ZEB1: variants seen among roughly 807,000 people sequenced by gnomAD.
The protein encoded by ZEB1 is zinc finger E-box binding homeobox 1, also known as zinc finger E-box-binding homeobox 1.
A neutral mutation model predicts 84.9 loss-of-function variants in ZEB1; 21 were observed. The observed-to-expected ratio is 0.25, with a 90% CI of 0.18 to 0.36. The LOEUF (loss-of-function observed/expected upper bound fraction) is 0.36, where lower values mean the gene tolerates loss of function less well. Ranked by LOEUF, ZEB1 falls within the 10% of genes least tolerant of loss-of-function variation. ZEB1 has a pLI of 1.00. For synonymous variants in ZEB1, 420 were observed against 471.1 expected (o/e 0.89, Z 1.41); for missense variants, 1,104 against 1,330.2 (o/e 0.83, Z 2.65).
intron 1 of ZEB1, among the ~76,000 whole-genome samples, chr10:31,459,830 AGTGTGTGTGTGTGTGTGTGTGTGT>A (rs3086581): frequency 1.5e-4 from 19 of 129,902 alleles, no homozygotes; most frequent in African/African-American, 4.5e-4. Context: ...TGTTCTCAGG[AGTGTGTGTGTGTGTGTGTGTGTGT>A]GTGTGTGTGT....
At chr10:31,386,426 T>G (rs1271829266) in intron 1 of ZEB1, among the ~76,000 whole-genome samples, 1 of 151,948 alleles carries the variant, frequency 6.6e-6, no homozygotes, top group East Asian at 1.9e-4. Context: ...CATTTGTAGG[T>G]TTTTGTTTAA....
At chr10:31,329,063 A>G (rs768185807) in intron 1 of ZEB1, among the ~76,000 whole-genome samples, 4 of 152,060 alleles carry the variant, frequency 2.6e-5, no homozygotes, top group Non-Finnish European at 4.4e-5. Flanking sequence ...ATATACCACT[A>G]TGCATGTACA....
At chr10:31,334,556 C>A (rs774884730) in intron 1 of ZEB1, among the ~76,000 whole-genome samples, 46 of 151,938 alleles carry the variant, frequency 3.0e-4, no homozygotes, top group Non-Finnish European at 5.9e-5. Flanking sequence ...AAAGCATACT[C>A]CCCGATTGAA....
At chr10:31,449,691 G>T (rs1030237693) in intron 1 of ZEB1, among the ~76,000 whole-genome samples, 10 of 151,928 alleles carry the variant, frequency 6.6e-5, no homozygotes, top group Non-Finnish European at 1.5e-4. Context: ...TTCCATTTCT[G>T]TAGCTTCAAG....
intron 1 of ZEB1, among the ~76,000 whole-genome samples, chr10:31,412,283 T>C (rs1056121624): frequency 3.0e-4 from 45 of 152,326 alleles, no homozygotes; most frequent in African/African-American, 7.9e-4. Context: ...TATTATACTT[T>C]AAGTTCTAGG....
At chr10:31,400,014 A>T (rs1389975200) in intron 1 of ZEB1, among the ~76,000 whole-genome samples, 1 of 152,208 alleles carries the variant, frequency 6.6e-6, no homozygotes, top group Non-Finnish European at 1.5e-5. Context: ...TGTCAATTTA[A>T]TGAAGCTTTC....
At chr10:31,329,105 T>G (rs2036214785) in intron 1 of ZEB1, among the ~76,000 whole-genome samples, 1 of 152,080 alleles carries the variant, frequency 6.6e-6, no homozygotes, top group Admixed American at 6.5e-5. Flanking sequence ...CTTGCATACA[T>G]GTGTAACTGC....
At chr10:31,427,017 AT>A (rs1463299299) in intron 1 of ZEB1, among the ~76,000 whole-genome samples, 1 of 152,118 alleles carries the variant, frequency 6.6e-6, no homozygotes, top group Non-Finnish European at 1.5e-5. Context: ...GAATAGGAAA[AT>A]ACCATTTGCA....
rs1441470609 is a variant in ZEB1 at position 31,387,396 on chromosome 10, G to A, written c.58+68104G>A. ...GAAGGGAGGCCCTACCTGTGGGTAG[G>A]ACATCACACATTCATCAAGAGGTGC... is the stretch of plus-strand genomic sequence containing the variant. On this transcript the variant is annotated intron_variant, in intron 1 of 8. Transcript: ENST00000424869. 5.8e-6 allele frequency: 4 copies of A among 686,992 alleles called. No individual in the cohort carries two copies. In the East Asian group the frequency reaches 5.3e-4, roughly 91 times the overall value. The allele number at this position is 686,992 out of a possible 1,614,324, so 42.6% of individuals were successfully genotyped here.
intron 1 of ZEB1, among the ~76,000 whole-genome samples, chr10:31,372,606 G>A (rs1333692110): frequency 6.6e-6 from 1 of 151,948 alleles, no homozygotes; most frequent in South Asian, 2.1e-4. Flanking sequence ...ACTTCTTGTG[G>A]TATGTACTAT....
chr10:31,454,087 A>T (rs1387229966), intron 1 of ZEB1, among the ~76,000 whole-genome samples: 1 of 152,244 alleles, frequency 6.6e-6, no homozygotes, highest in Non-Finnish European at 1.5e-5. Context: ...CATACCTGGG[A>T]TGCAAGGCTG....
chr10:31,468,457 C>A (rs2062719936), intron 2 of ZEB1, among the ~76,000 whole-genome samples: 1 of 152,188 alleles, frequency 6.6e-6, no homozygotes, highest in Non-Finnish European at 1.5e-5. Flanking sequence ...GCAGGCATCA[C>A]CTGCTGGCCT....
intron 1 of ZEB1, among the ~76,000 whole-genome samples, chr10:31,441,655 A>T (rs111774999): frequency 0.25 from 37,774 of 152,132 alleles, 10,384 homozygotes; most frequent in African/African-American, 0.69. Context: ...TGCAATCTAC[A>T]CATTTGACAA....
At chr10:31,365,539 C>G (rs2044299260) in intron 1 of ZEB1, among the ~76,000 whole-genome samples, 1 of 152,146 alleles carries the variant, frequency 6.6e-6, no homozygotes, top group South Asian at 2.1e-4. Context: ...AATCCATTCA[C>G]AGGTCATATT....
intron 2 of ZEB1, among the ~76,000 whole-genome samples, chr10:31,467,831 A>T (rs2062634265): frequency 6.6e-6 from 1 of 152,216 alleles, no homozygotes; most frequent in South Asian, 2.1e-4. Flanking sequence ...TAGGAAGGGT[A>T]TAGCCTCATA....
chr10:31,433,021 A>G (rs535758025), intron 1 of ZEB1, among the ~76,000 whole-genome samples: 186 of 148,620 alleles, frequency 1.3e-3, no homozygotes, highest in African/African-American at 4.6e-3. Context: ...ATAATTGTGG[A>G]TATTCTTTGA....
intron 1 of ZEB1, among the ~76,000 whole-genome samples, chr10:31,413,992 C>G (rs957243048): frequency 1.2e-4 from 19 of 152,192 alleles, no homozygotes; most frequent in African/African-American, 4.6e-4. Context: ...CCGCCCCTTC[C>G]AAATTGCCTT....
chr10:31,350,092 G>A lies in ZEB1; in HGVS notation c.58+30800G>A, dbSNP rs182672672. 3.2e-3 allele frequency among the ~76,000 whole-genome samples: 481 copies of A among 152,122 alleles called. 5 individuals carry two copies. The highest frequency in any genetic ancestry group is 0.011 in the African/African-American group (461 of 41,508). The stretch of plus-strand genomic sequence containing the variant: ...TTTAATCAATTTTGAGTTGATTTTC[G>A]TAAATGATGTGAGATGAGGGTCTAA... On this transcript the variant is annotated intron_variant, in intron 1 of 8. Transcript: ENST00000424869.
At chr10:31,428,190 G>A (rs2057233025) in intron 1 of ZEB1, among the ~76,000 whole-genome samples, 1 of 152,084 alleles carries the variant, frequency 6.6e-6, no homozygotes, top group African/African-American at 2.4e-5. Flanking sequence ...TCTTTTCGAT[G>A]TGGGCATTTG....
Sources: allele counts gnomAD v4.1 joint callset (sites outside exome capture counted in the v4.1 genomes callset), GRCh38; gene constraint gnomAD v4.1.1; transcripts MANE v1.5; gene names NCBI Gene and HGNC (gene_info 2026-07-23, HGNC 2026-07-21).